The following PTPRG variants were observed in gnomAD, a reference collection of about 807,000 sequenced individuals.
PTPRG encodes receptor-type tyrosine-protein phosphatase gamma.
A neutral mutation model predicts 165.3 loss-of-function variants in PTPRG; 102 were observed. That is an observed-to-expected ratio of 0.62 (90% confidence interval 0.53 to 0.73). The LOEUF is 0.73. Ranked by LOEUF, PTPRG falls within the 30% of genes least tolerant of loss-of-function variation. The pLI, the probability that PTPRG is intolerant of heterozygous loss-of-function variation, is 0.00. For missense variants in PTPRG, 1,866 were observed against 1,861.4 expected (o/e 1.00, Z -0.05); for synonymous variants, 675 against 669.5 (o/e 1.01, Z -0.13).
At chr3:61,779,966 C>G (rs923148264) in intron 2 of PTPRG, among the ~76,000 whole-genome samples, 2 of 152,140 alleles carry the variant, frequency 1.3e-5, no homozygotes, top group Non-Finnish European at 2.9e-5. Flanking sequence ...CCCTACTCCT[C>G]TATTGTTTCC....
chr3:62,267,430 T>G lies in PTPRG; in HGVS notation c.2677T>G (p.Leu893Val). ...TATAGATGATCACAGTAGGGTGAAG[T>G]TAAGACCTTTACCAGGAAAAGACTC... is the stretch of plus-strand genomic sequence containing the variant. ...ILAYDHSRVK[L>V]RPLPGKDSKH... The change falls in exon 18 of 30, where the codon TTA becomes GTA. Residue 893 changes from leucine to valine, a missense_variant. By Grantham distance (32) the Leu-to-Val change is conservative (BLOSUM62 1). Coordinates refer to ENST00000474889, the MANE Select transcript of PTPRG (RefSeq NM_002841.4). 3 of 1,609,780 alleles carry G rather than the reference T, an allele frequency of 1.9e-6. No individual in the cohort carries two copies. Among genetic ancestry groups the G allele is most frequent in the Non-Finnish European group, 2.5e-6 (3 of 1,176,586 alleles).
chr3:61,653,105 G>A (rs1006015420), intron 1 of PTPRG, among the ~76,000 whole-genome samples: 1 of 151,946 alleles, frequency 6.6e-6, no homozygotes, highest in African/African-American at 2.4e-5. Context: ...TAAGCCAAAA[G>A]AAGAGACAAT....
chr3:61,866,101 G>A (rs1485218761), intron 2 of PTPRG, among the ~76,000 whole-genome samples: 1 of 152,140 alleles, frequency 6.6e-6, no homozygotes, highest in African/African-American at 2.4e-5. Context: ...GAACTCCTCT[G>A]TGCCTGCTCA....
intron 2 of PTPRG, among the ~76,000 whole-genome samples, chr3:61,801,366 T>G (rs2035236487): frequency 6.7e-6 from 1 of 150,346 alleles, no homozygotes; most frequent in African/African-American, 2.5e-5. Flanking sequence ...TGGAGAGCAG[T>G]GGTGCGATCA....
intron 5 of PTPRG, among the ~76,000 whole-genome samples, chr3:62,093,812 A>G (rs900647151): frequency 2.0e-4 from 31 of 152,316 alleles, no homozygotes; most frequent in African/African-American, 6.5e-4. Flanking sequence ...ACCTGCATTA[A>G]GATGGACCTA....
intron 2 of PTPRG, among the ~76,000 whole-genome samples, chr3:61,959,275 A>T (rs1176627737): frequency 6.6e-6 from 1 of 152,168 alleles, no homozygotes; most frequent in East Asian, 1.9e-4. Context: ...AGAAAGGAGG[A>T]CATCTAAGAG....
chr3:61,958,589 C>T (rs1421253316), intron 2 of PTPRG, among the ~76,000 whole-genome samples: 2 of 152,132 alleles, frequency 1.3e-5, no homozygotes, highest in Non-Finnish European at 2.9e-5. Context: ...TATATGCCTC[C>T]ATAGTTACAG....
At chr3:61,952,263 G>T (rs1481135652) in intron 2 of PTPRG, among the ~76,000 whole-genome samples, 1 of 152,226 alleles carries the variant, frequency 6.6e-6, no homozygotes, top group East Asian at 1.9e-4. Context: ...TGTGCTGTAA[G>T]CCAGGATTTT....
At chr3:62,075,213 C>T (rs934216243) in intron 4 of PTPRG, among the ~76,000 whole-genome samples, 5 of 152,084 alleles carry the variant, frequency 3.3e-5, no homozygotes, top group Admixed American at 2.0e-4. Flanking sequence ...ACACGCTATT[C>T]GGGTGATGCA....
intron 4 of PTPRG, among the ~76,000 whole-genome samples, chr3:62,037,011 T>C (rs1339422072): frequency 7.7e-6 from 1 of 129,932 alleles, no homozygotes; most frequent in Non-Finnish European, 1.7e-5. Context: ...ACACACACAG[T>C]GTTCCCTGAT....
At chr3:61,949,518 G>T (rs934055563) in intron 2 of PTPRG, among the ~76,000 whole-genome samples, 7 of 152,006 alleles carry the variant, frequency 4.6e-5, no homozygotes, top group Non-Finnish European at 1.0e-4. Flanking sequence ...CCTCAATGAG[G>T]GTCTAGTATA....
At chr3:61,927,208 C>T (rs999321149) in intron 2 of PTPRG, among the ~76,000 whole-genome samples, 32 of 151,674 alleles carry the variant, frequency 2.1e-4, no homozygotes, top group Admixed American at 2.0e-3. Flanking sequence ...ACTTTTTTTT[C>T]CTCCCAGCTA....
At chr3:61,724,726 C>T (rs955083360) in intron 1 of PTPRG, among the ~76,000 whole-genome samples, 8 of 152,080 alleles carry the variant, frequency 5.3e-5, no homozygotes, top group African/African-American at 1.9e-4. Flanking sequence ...TCCCAATTTT[C>T]ATTTTCCTGG....
intron 28 of PTPRG, among the ~76,000 whole-genome samples, chr3:62,286,698 C>G (rs985878833): frequency 1.3e-5 from 2 of 151,986 alleles, no homozygotes; most frequent in Non-Finnish European, 2.9e-5. Context: ...ATAAGCATTA[C>G]TTTTAATGGA....
At chr3:61,613,429 CAATT>C (rs1008048295) in intron 1 of PTPRG, among the ~76,000 whole-genome samples, 1 of 152,162 alleles carries the variant, frequency 6.6e-6, no homozygotes, top group African/African-American at 2.4e-5. Flanking sequence ...ACTGCTGTCA[CAATT>C]AAAGAAAGAC....
intron 1 of PTPRG, among the ~76,000 whole-genome samples, chr3:61,712,468 G>T (rs2106754202): frequency 6.6e-6 from 1 of 152,202 alleles, no homozygotes; most frequent in South Asian, 2.1e-4. Context: ...ATGTGTCGAA[G>T]GAGGGACCTG....
chr3:61,701,468 A>T (rs2030953359), intron 1 of PTPRG, among the ~76,000 whole-genome samples: 1 of 152,184 alleles, frequency 6.6e-6, no homozygotes, highest in Admixed American at 6.5e-5. Context: ...TTATAATAGT[A>T]ATATTTGAAA....
intron 5 of PTPRG, among the ~76,000 whole-genome samples, chr3:62,094,455 A>G (rs539934876): frequency 6.6e-6 from 1 of 152,108 alleles, no homozygotes; most frequent in East Asian, 1.9e-4. Flanking sequence ...TGAAATCTGG[A>G]TGGTGCTATG....
At chr3:62,183,046 C>T (rs186307768) in intron 8 of PTPRG, among the ~76,000 whole-genome samples, 2 of 152,234 alleles carry the variant, frequency 1.3e-5, no homozygotes, top group African/African-American at 2.4e-5. Flanking sequence ...TTTACCCAAG[C>T]TTTATCCAAG....
Sources: gnomAD v4.1 joint callset for allele counts (sites outside exome capture counted in the v4.1 genomes callset) on GRCh38, gnomAD v4.1.1 for gene constraint, MANE v1.5 for transcripts, NCBI Gene and HGNC (gene_info 2026-07-23, HGNC 2026-07-21) for gene names.